Variants in SLC9B1 observed in about 807,000 individuals in gnomAD.
The protein encoded by SLC9B1 is sodium/hydrogen exchanger 9B1.
A neutral mutation model predicts 51.7 loss-of-function variants in SLC9B1; 32 were observed. The observed-to-expected ratio is 0.62, with a 90% CI of 0.47 to 0.83. The LOEUF (loss-of-function observed/expected upper bound fraction) is 0.83. Ranked by LOEUF, SLC9B1 falls within the 40% of genes least tolerant of loss-of-function variation. The pLI is 0.00. For missense variants in SLC9B1, 406 were observed against 613.2 expected, an observed-to-expected ratio of 0.66 and a Z score of 3.57; for synonymous variants, 145 against 212.7, an observed-to-expected ratio of 0.68 and a Z score of 2.77.
At chr4:102,949,674 T>C (rs555881869) in intron 3 of SLC9B1, among the ~76,000 whole-genome samples, 1 of 152,328 alleles carries the variant, frequency 6.6e-6, no homozygotes, top group East Asian at 1.9e-4. Flanking sequence ...AAAACCTATA[T>C]GTGGGCCAGG....
chr4:102,991,805 G>C, intron 1 of SLC9B1, 93 bp from the exon 2 acceptor site: 2 of 842,086 alleles, frequency 2.4e-6, no homozygotes, highest in South Asian at 4.3e-5. Context: ...ATTTTTTAAA[G>C]GATTTTTTGT....
chr4:102,937,336 C>T (rs1489559531), intron 6 of SLC9B1, among the ~76,000 whole-genome samples: 2 of 149,090 alleles, frequency 1.3e-5, no homozygotes, highest in South Asian at 2.1e-4. Flanking sequence ...TTCCCAACCT[C>T]GTGATCTGCC....
At chr4:102,973,464 C>T (rs2110501284) in intron 3 of SLC9B1, among the ~76,000 whole-genome samples, 1 of 152,176 alleles carries the variant, frequency 6.6e-6, no homozygotes, top group Admixed American at 6.5e-5. Context: ...GAAACTTAAA[C>T]CTCTGAGTCA....
intron 4 of SLC9B1, among the ~76,000 whole-genome samples, chr4:102,948,688 T>C (rs982023580): frequency 3.3e-5 from 5 of 152,152 alleles, no homozygotes; most frequent in African/African-American, 1.2e-4. Flanking sequence ...CTGAACACCA[T>C]TATCCTAAGT....
At chr4:103,002,671 C>A (rs1740587315) in intron 1 of SLC9B1, among the ~76,000 whole-genome samples, 1 of 152,180 alleles carries the variant, frequency 6.6e-6, no homozygotes, top group African/African-American at 2.4e-5. Context: ...CATTGGAAAT[C>A]AATTACAAAG....
rs550683468 is a variant in SLC9B1, at chr4:102,949,160, A to C, written c.382+97T>G. 4.8e-6 allele frequency: 5 copies of C among 1,041,052 alleles called. No homozygotes were observed. The South Asian group carries it at 8.8e-5, about 18-fold the overall frequency. The allele number at this position is 1,041,052 out of a possible 1,614,324, so 64.5% of individuals were successfully genotyped here. A position where few individuals can be genotyped will look rare whatever the true frequency, so the allele number is the denominator to read the frequency against. ...GAAGAAACTATATAAAACATACTAC[A>C]TTGAAATATTTCTGAATTATAACTA... On this transcript the variant is annotated intron_variant, in intron 4 of 11. Transcript: ENST00000296422.
chr4:103,010,453 A>G (rs1741035065), intron 1 of SLC9B1, among the ~76,000 whole-genome samples: 1 of 152,236 alleles, frequency 6.6e-6, no homozygotes, highest in Non-Finnish European at 1.5e-5. Context: ...TACAATCAAC[A>G]TGAGTTTTGG....
intron 7 of SLC9B1, among the ~76,000 whole-genome samples, chr4:102,920,404 G>A (rs1320606727): frequency 3.3e-5 from 5 of 152,136 alleles, no homozygotes; most frequent in African/African-American, 7.2e-5. Flanking sequence ...CCATCTGTAG[G>A]TCAACAATGT....
At chr4:102,937,406 C>A in intron 6 of SLC9B1, among the ~76,000 whole-genome samples, 1 of 97,366 alleles carries the variant, frequency 1.0e-5, no homozygotes. Context: ...TGGCCTTCAG[C>A]ATTCTTAAAA....
chr4:102,976,954 G>T (rs1739103216), intron 3 of SLC9B1, among the ~76,000 whole-genome samples: 1 of 152,114 alleles, frequency 6.6e-6, no homozygotes, highest in African/African-American at 2.4e-5. Context: ...TTGAAGACCA[G>T]CCTGGGAAAC....
At chr4:102,914,921 CTACAATGAGACACAT>C (rs1169946889) in intron 7 of SLC9B1, among the ~76,000 whole-genome samples, 5 of 152,000 alleles carry the variant, frequency 3.3e-5, no homozygotes, top group Non-Finnish European at 5.9e-5. Context: ...TGCAAAAGAC[CTACAATGAGACACAT>C]TACAATCAAA....
chr4:102,943,971 G>A (rs968384368), intron 6 of SLC9B1, among the ~76,000 whole-genome samples: 5 of 152,008 alleles, frequency 3.3e-5, no homozygotes, highest in Admixed American at 3.3e-4. Flanking sequence ...CATAGGAGGG[G>A]GTATATCTCA....
intron 7 of SLC9B1, among the ~76,000 whole-genome samples, chr4:102,922,584 C>CA (rs1216650717): frequency 2.0e-5 from 3 of 151,902 alleles, no homozygotes; most frequent in Non-Finnish European, 2.9e-5. Context: ...GATACAGACA[C>CA]AAAAAACCCT....
At chr4:102,912,843 G>T (rs1735403585) in intron 7 of SLC9B1, among the ~76,000 whole-genome samples, 1 of 152,134 alleles carries the variant, frequency 6.6e-6, no homozygotes, top group Non-Finnish European at 1.5e-5. Context: ...GACAGAGCAA[G>T]ATCCTGTCTC....
At chr4:103,013,481 A>G (rs1741178953) in intron 1 of SLC9B1, among the ~76,000 whole-genome samples, 1 of 152,148 alleles carries the variant, frequency 6.6e-6, no homozygotes, top group African/African-American at 2.4e-5. Context: ...TCTATGCCCT[A>G]TTCTCTTCTC....
rs1735335626 is a variant in SLC9B1 at position 102,911,529 on chromosome 4, G to T, written c.838C>A (p.Leu280Ile). ...LSIVFSSGGI[L>I]NNAIASIRNV... ...CTTATAGAGGCTATGGCGTTATTAA[G>T]TATACCACCTGTAGGGGCACACAAT... Residue 280 changes from leucine to isoleucine, a missense_variant, in exon 8 of 12, where the codon CTT becomes ATT. Leu to Ile is a conservative substitution (Grantham distance 5, BLOSUM62 2). This residue lies in a region of SLC9B1 where 250 missense variants were observed against 394.1 expected (regional missense o/e 0.63). Transcript: ENST00000296422. 1.3e-6 allele frequency: 2 copies of T among 1,591,868 alleles called. No homozygotes were observed. The highest frequency in any genetic ancestry group is 1.7e-6 in the Non-Finnish European group (2 of 1,175,902).
chr4:102,969,944 A>C (rs2110497545), intron 3 of SLC9B1, among the ~76,000 whole-genome samples: 1 of 152,036 alleles, frequency 6.6e-6, no homozygotes, highest in African/African-American at 2.4e-5. Flanking sequence ...AGAGAAAAAG[A>C]GTAAAAAAAA....
At chr4:102,998,831 G>C (rs536611495) in intron 1 of SLC9B1, among the ~76,000 whole-genome samples, 2 of 152,006 alleles carry the variant, frequency 1.3e-5, no homozygotes, top group South Asian at 2.1e-4. Context: ...ATCTTTTTTG[G>C]AGAAATGTCT....
chr4:102,974,061 C>G (rs1296593782), intron 3 of SLC9B1, among the ~76,000 whole-genome samples: 2 of 151,232 alleles, frequency 1.3e-5, no homozygotes, highest in Non-Finnish European at 3.0e-5. Context: ...CATGGTGAAA[C>G]CCCCATCTCT....
Sources: allele counts gnomAD v4.1 joint callset (sites outside exome capture counted in the v4.1 genomes callset), GRCh38; gene constraint gnomAD v4.1.1; regional missense constraint gnomAD v4.1.1; transcripts MANE v1.5; gene names NCBI Gene and HGNC (gene_info 2026-07-23, HGNC 2026-07-21).